NELL1: variants seen among roughly 807,000 people sequenced by gnomAD.
The protein encoded by NELL1 is protein kinase C-binding protein NELL1.
NELL1 carries 76 observed loss-of-function variants against 107.4 expected under a neutral mutation model. The observed-to-expected ratio is 0.71, with a 90% CI of 0.59 to 0.86. NELL1 has a LOEUF of 0.86. NELL1 is among the 40% of genes least tolerant of loss of function. The pLI is 0.00. For missense variants in NELL1, 1,024 were observed against 1,005.5 expected (o/e 1.02, Z -0.25); for synonymous variants, 353 against 341.2 (o/e 1.03, Z -0.38).
intron 14 of NELL1, among the ~76,000 whole-genome samples, chr11:21,242,269 A>G (rs1469839655): frequency 6.6e-6 from 1 of 152,118 alleles, no homozygotes; most frequent in East Asian, 1.9e-4. Context: ...TCAGGAATAC[A>G]GTCACTTTCT....
intron 13 of NELL1, among the ~76,000 whole-genome samples, chr11:21,122,342 G>A (rs2133743897): frequency 6.6e-6 from 1 of 152,292 alleles, no homozygotes; most frequent in African/African-American, 2.4e-5. Context: ...AATTGTTGAG[G>A]CTGGTCTTGC....
At chr11:21,225,589 A>G (rs988739956) in intron 13 of NELL1, among the ~76,000 whole-genome samples, 3 of 152,126 alleles carry the variant, frequency 2.0e-5, no homozygotes, top group South Asian at 2.1e-4. Flanking sequence ...ATTTGTGGTT[A>G]TCTACTGGTT....
chr11:20,777,758 G>T (rs150119865), intron 2 of NELL1, among the ~76,000 whole-genome samples: 2,150 of 152,318 alleles, frequency 0.014, 21 homozygotes, highest in Admixed American at 0.022. Flanking sequence ...GGTTCACAGT[G>T]TAATTACTGA....
In NELL1 at chr11:21,254,335, C is replaced by A. The variant is rs565243992; in HGVS notation, c.1549+24881C>A. The stretch of plus-strand genomic sequence containing the variant: ...ATATGATGATAGAAAAAAGCCATTT[C>A]CTCTCTACCAAAGAAATTACATTAT... On this transcript the variant is annotated intron_variant, in intron 14 of 19. Coordinates refer to ENST00000357134, the MANE Select transcript of NELL1 (RefSeq NM_006157.5). Among the ~76,000 whole-genome samples, 3 of 152,068 alleles carry A rather than the reference C, an allele frequency of 2.0e-5. No homozygotes were observed. The East Asian group carries it at 5.8e-4, about 29-fold the overall frequency.
intron 14 of NELL1, among the ~76,000 whole-genome samples, chr11:21,342,562 T>G (rs1850594730): frequency 6.6e-6 from 1 of 150,878 alleles, no homozygotes; most frequent in Non-Finnish European, 1.5e-5. Flanking sequence ...GAGAATCACT[T>G]GAGCCCAGGT....
intron 15 of NELL1, among the ~76,000 whole-genome samples, chr11:21,525,018 G>A (rs575210436): frequency 5.0e-4 from 76 of 152,270 alleles, no homozygotes; most frequent in African/African-American, 1.5e-3. Flanking sequence ...TAGTAAATGC[G>A]TTTCTGAGTT....
chr11:20,976,731 A>G (rs11025845), intron 12 of NELL1, among the ~76,000 whole-genome samples: 6,407 of 152,296 alleles, frequency 0.042, 209 homozygotes, highest in Middle Eastern at 0.2. Context: ...TCTGTGGATC[A>G]TATTTTCAAA....
At chr11:21,429,942 T>C (rs1209562695) in intron 15 of NELL1, among the ~76,000 whole-genome samples, 1 of 152,152 alleles carries the variant, frequency 6.6e-6, no homozygotes, top group African/African-American at 2.4e-5. Context: ...GGTATAAGAA[T>C]AGCCTCTAAA....
intron 12 of NELL1, among the ~76,000 whole-genome samples, chr11:21,043,622 CTG>C (rs1853290809): frequency 6.6e-6 from 1 of 152,060 alleles, no homozygotes; most frequent in African/African-American, 2.4e-5. Context: ...GATCCAACGA[CTG>C]GTTTTTGGTG....
At chr11:20,731,662 C>T (rs1855647348) in intron 2 of NELL1, among the ~76,000 whole-genome samples, 1 of 152,074 alleles carries the variant, frequency 6.6e-6, no homozygotes, top group Non-Finnish European at 1.5e-5. Context: ...ATTCACAAGC[C>T]GGGTAGGTTA....
intron 15 of NELL1, among the ~76,000 whole-genome samples, chr11:21,532,106 T>C (rs1156425443): frequency 1.3e-5 from 2 of 152,194 alleles, no homozygotes; most frequent in African/African-American, 4.8e-5. Flanking sequence ...AACCTGATTA[T>C]TTCCAGTGAG....
chr11:21,510,426 G>T (rs1855406417), intron 15 of NELL1, among the ~76,000 whole-genome samples: 1 of 152,170 alleles, frequency 6.6e-6, no homozygotes, highest in Non-Finnish European at 1.5e-5. Context: ...GAAGCATGAA[G>T]GAAAGTTCAG....
intron 4 of NELL1, among the ~76,000 whole-genome samples, chr11:20,852,819 T>G (rs1035634551): frequency 6.6e-6 from 1 of 152,184 alleles, no homozygotes; most frequent in Non-Finnish European, 1.5e-5. Context: ...CAAAGCAGCT[T>G]CAGGTTGTCT....
chr11:21,028,168 C>G (rs189695856), intron 12 of NELL1, among the ~76,000 whole-genome samples: 73 of 152,264 alleles, frequency 4.8e-4, no homozygotes, highest in African/African-American at 1.7e-3. Flanking sequence ...AAGAGTGTCA[C>G]CTAGCACATA....
chr11:21,420,770 T>C (rs996236828), intron 15 of NELL1, among the ~76,000 whole-genome samples: 5 of 151,790 alleles, frequency 3.3e-5, no homozygotes, highest in African/African-American at 1.2e-4. Context: ...AAAAGCAGGG[T>C]GAGAGTATAT....
chr11:21,234,339 G>C (rs1858144408), intron 14 of NELL1, among the ~76,000 whole-genome samples: 1 of 152,092 alleles, frequency 6.6e-6, no homozygotes, highest in Non-Finnish European at 1.5e-5. Flanking sequence ...TGCTTCTTTA[G>C]GCTTGGGGAT....
At chr11:21,371,576 T>C (rs954641572) in intron 15 of NELL1, among the ~76,000 whole-genome samples, 36 of 152,090 alleles carry the variant, frequency 2.4e-4, no homozygotes, top group African/African-American at 8.2e-4. Flanking sequence ...GCCCTCCTAT[T>C]TGTGTATAAG....
chr11:21,444,218 T>C (rs964620064), intron 15 of NELL1, among the ~76,000 whole-genome samples: 72 of 152,176 alleles, frequency 4.7e-4, no homozygotes, highest in African/African-American at 1.7e-3. Flanking sequence ...TCCTAGGCAG[T>C]GTCTCACTGG....
At chr11:21,348,502 A>G (rs1850733707) in intron 14 of NELL1, among the ~76,000 whole-genome samples, 1 of 152,208 alleles carries the variant, frequency 6.6e-6, no homozygotes, top group African/African-American at 2.4e-5. Flanking sequence ...CATGAGCTAT[A>G]TAAATTTGAT....
Sources: gnomAD v4.1 joint callset for allele counts (sites outside exome capture counted in the v4.1 genomes callset) on GRCh38, gnomAD v4.1.1 for gene constraint, MANE v1.5 for transcripts, NCBI Gene and HGNC (gene_info 2026-07-23, HGNC 2026-07-21) for gene names.